Variants in FCRL5 observed in about 807,000 individuals in gnomAD.
FCRL5 encodes Fc receptor like 5.
A neutral mutation model predicts 92.1 loss-of-function variants in FCRL5; 79 were observed. The observed-to-expected ratio is 0.86, with a 90% confidence interval of 0.72 to 1.03. The LOEUF (loss-of-function observed/expected upper bound fraction) is 1.03, where lower values mean the gene tolerates loss of function less well. FCRL5 is among the 50% of genes least tolerant of loss of function. The pLI, the probability that FCRL5 is intolerant of heterozygous loss-of-function variation, is 0.00. For synonymous variants in FCRL5, 466 were observed against 469.3 expected (o/e 0.99, Z 0.09); for missense variants, 1,160 against 1,181.1 (o/e 0.98, Z 0.26).
chr1:157,544,584 G>A lies in FCRL5; in HGVS notation c.560-38C>T, dbSNP rs752030055. 22 of 1,598,928 alleles carry A rather than the reference G, an allele frequency of 1.4e-5. No homozygotes were observed. In the African/African-American group the frequency reaches 1.7e-4, roughly 13 times the overall value. On this transcript the variant is annotated intron_variant, in intron 4 of 16. Coordinates refer to ENST00000361835, the MANE Select transcript of FCRL5 (RefSeq NM_031281.3). Reference sequence around the variant, plus strand: ...ATCACAACAGTCCCAGAGCAATGAGGCTGGAACTGCTTTGGAGAAAAGCAC... The same window carrying A: ...ATCACAACAGTCCCAGAGCAATGAGACTGGAACTGCTTTGGAGAAAAGCAC...
At chr1:157,517,116 T>C (rs1322174041) in intron 15 of FCRL5, among the ~76,000 whole-genome samples, 1 of 152,218 alleles carries the variant, frequency 6.6e-6, no homozygotes, top group Non-Finnish European at 1.5e-5. Context: ...AAGGACTTTG[T>C]TCCTCTTTCC....
intron 5 of FCRL5, 75 bp downstream of exon 5, chr1:157,544,187 C>T (rs1335546899): frequency 6.6e-7 from 1 of 1,507,124 alleles, no homozygotes. Flanking sequence ...AGACTGGTGA[C>T]CCACGCTGAT....
At chr1:157,543,166 T>A in intron 5 of FCRL5, 29 bp from the exon 6 acceptor site, 1 of 1,599,728 alleles carries the variant, frequency 6.3e-7, no homozygotes, top group Non-Finnish European at 8.5e-7. Context: ...TAGTCAAGAA[T>A]TGCTTTTGCC....
At chr1:157,543,225 G>T in intron 5 of FCRL5, 88 bp from the exon 6 acceptor site, 1 of 1,322,648 alleles carries the variant, frequency 7.6e-7, no homozygotes, top group Non-Finnish European at 1.0e-6. Flanking sequence ...CCAGTCTCCA[G>T]TCTCCACCCT....
chr1:157,530,999 G>T (rs1650672195), intron 8 of FCRL5, among the ~76,000 whole-genome samples: 1 of 152,122 alleles, frequency 6.6e-6, no homozygotes, highest in African/African-American at 2.4e-5. Context: ...AAGCTGAAAA[G>T]AATTTGCACA....
chr1:157,530,469 C>T (rs11802319), intron 8 of FCRL5, among the ~76,000 whole-genome samples: 13,292 of 152,230 alleles, frequency 0.087, 1,555 homozygotes, highest in African/African-American at 0.27. Context: ...CGGGTTGAAG[C>T]GATTCTCCTG....
intron 8 of FCRL5, chr1:157,534,307 A>C: frequency 1.4e-6 from 1 of 702,166 alleles, no homozygotes; most frequent in South Asian, 1.5e-5. Flanking sequence ...ATGTCAGTAG[A>C]GAAGTAGGAC....
rs1649881703 is a variant in FCRL5 at position 157,515,604 on chromosome 1, A to G, written c.*71T>C. The stretch of plus-strand genomic sequence containing the variant: ...GGGGCAGCCTAAATCTTCCCACTTC[A>G]ATGCTGCTTCTCCCCCAAGGGGAAC... On this transcript the variant is annotated 3_prime_UTR_variant, in exon 17 of 17. Transcript: ENST00000361835. 1.9e-6 allele frequency: 3 copies of G among 1,613,588 alleles called. No homozygotes were observed. The highest frequency in any genetic ancestry group is 2.5e-6 in the Non-Finnish European group (3 of 1,180,006).
chr1:157,542,800 G>T (rs1178279803), intron 6 of FCRL5, 59 bp downstream of exon 6: 37 of 1,563,030 alleles, frequency 2.4e-5, no homozygotes, highest in Non-Finnish European at 3.2e-5. Context: ...CTTCCGAAGG[G>T]CAGGGTGAGG....
chr1:157,519,705 A>G, intron 13 of FCRL5, 38 bp downstream of exon 13: 2 of 1,605,936 alleles, frequency 1.2e-6, no homozygotes, highest in Non-Finnish European at 1.7e-6. Flanking sequence ...CCCTGTGGAC[A>G]TTTCACTAAT....
At chr1:157,551,951 T>C (rs1246296845) in intron 1 of FCRL5, among the ~76,000 whole-genome samples, 1 of 152,178 alleles carries the variant, frequency 6.6e-6, no homozygotes, top group East Asian at 1.9e-4. Context: ...GATCTGGCCT[T>C]GTCATACAAG....
intron 2 of FCRL5, 51 bp downstream of exon 2, chr1:157,549,509 A>G (rs772995967): frequency 6.4e-7 from 1 of 1,555,114 alleles, no homozygotes; most frequent in South Asian, 1.2e-5. Flanking sequence ...TTTATTAGGA[A>G]GAGACACTCT....
In FCRL5 at chr1:157,539,093, G is replaced by T. The variant is rs926826526; in HGVS notation, c.1395C>A (p.Ser465=). Residue 465 remains serine, a synonymous_variant, in exon 7 of 17, where the codon TCC becomes TCA. Transcript: ENST00000361835. The stretch of plus-strand genomic sequence containing the variant: ...CAGGAACCCAGGGCTTACCAGTGAC[G>T]GAGAGGCTCACCGCCTTACTGCGCT... ...GPQRSKAVSL[S]VTVPVSHPVL... The T allele has an allele frequency of 2.5e-6, 4 of 1,613,132 alleles. No individual in the cohort carries two copies. The Admixed American group carries it at 6.7e-5, about 27-fold the overall frequency.
At chr1:157,531,822 G>A (rs1375146464) in intron 8 of FCRL5, 2 of 152,166 alleles carry the variant, frequency 1.3e-5, no homozygotes, top group African/African-American at 2.4e-5. Flanking sequence ...TCAGAGACTG[G>A]GGAGGGGAGA....
chr1:157,545,194 T>A, intron 3 of FCRL5, 112 bp from the exon 4 acceptor site: 1 of 1,160,086 alleles, frequency 8.6e-7, no homozygotes, highest in South Asian at 1.5e-5. Flanking sequence ...AAAGAACTCT[T>A]AAAATAATTA....
intron 2 of FCRL5, 82 bp downstream of exon 2, chr1:157,549,478 A>T: frequency 1.6e-6 from 2 of 1,263,256 alleles, no homozygotes; most frequent in Middle Eastern, 4.5e-4. Flanking sequence ...GATCTCAGGC[A>T]GCCATCACAA....
chr1:157,515,603 C>T lies in FCRL5; in HGVS notation c.*72G>A. ...TGGGGCAGCCTAAATCTTCCCACTTCAATGCTGCTTCTCCCCCAAGGGGAA... is the reference window on the plus strand; with the variant it reads ...TGGGGCAGCCTAAATCTTCCCACTTTAATGCTGCTTCTCCCCCAAGGGGAA... On this transcript the variant is annotated 3_prime_UTR_variant, in exon 17 of 17. Coordinates refer to ENST00000361835, the MANE Select transcript of FCRL5 (RefSeq NM_031281.3). The T allele has an allele frequency of 6.2e-7, 1 of 1,613,690 alleles. No individual in the cohort carries two copies. Among genetic ancestry groups the T allele is most frequent in the Middle Eastern group, 1.7e-4 (1 of 6,060 alleles).
intron 8 of FCRL5, chr1:157,528,563 G>A (rs1038012611): frequency 1.3e-5 from 2 of 152,050 alleles, no homozygotes; most frequent in South Asian, 4.1e-4. Context: ...GACTTTGAAC[G>A]ATACTACAAG....
Position 157,546,450 on chromosome 1 carries a change from AAAACCAAACCAAACCAAACC to A in FCRL5, c.307+473_307+492del, listed in dbSNP as rs60618941. On this transcript the variant is annotated intron_variant, in intron 3 of 16. Coordinates refer to ENST00000361835, the MANE Select transcript of FCRL5 (RefSeq NM_031281.3). ...GTGACAGAGCGAGACTCCATCTCAA[AAAACCAAACCAAACCAAACC>A]AAACCAAACCAAACCAAACCAAACC... Among the ~76,000 whole-genome samples, 114 of 145,124 alleles carry A rather than the reference AAAACCAAACCAAACCAAACC, an allele frequency of 7.9e-4. 1 individual carries two copies. Among genetic ancestry groups the A allele is most frequent in the African/African-American group, 2.7e-3 (106 of 39,382 alleles).
Sources: allele counts gnomAD v4.1 joint callset (sites outside exome capture counted in the v4.1 genomes callset), GRCh38; gene constraint gnomAD v4.1.1; transcripts MANE v1.5; gene names NCBI Gene and HGNC (gene_info 2026-07-23, HGNC 2026-07-21).